The following CLSTN2 variants were observed in gnomAD, a reference collection of about 807,000 sequenced individuals.
The protein encoded by CLSTN2 is calsyntenin-2.
A neutral mutation model predicts 101.2 loss-of-function variants in CLSTN2; 48 were observed. The observed-to-expected ratio is 0.47, with a 90% CI of 0.38 to 0.60. The LOEUF (loss-of-function observed/expected upper bound fraction) is 0.60, where lower values mean the gene tolerates loss of function less well. Ranked by LOEUF, CLSTN2 falls within the 20% of genes least tolerant of loss-of-function variation. The pLI is 0.00. For synonymous variants in CLSTN2, 481 were observed against 463.6 expected (o/e 1.04, Z -0.48); for missense variants, 1,160 against 1,238.2 (o/e 0.94, Z 0.95).
At chr3:140,348,392 G>C (rs6766541) in intron 2 of CLSTN2, among the ~76,000 whole-genome samples, 59,509 of 152,018 alleles carry the variant, frequency 0.39, 12,611 homozygotes, top group Non-Finnish European at 0.49. Flanking sequence ...CCGTGATTTA[G>C]AGTCAATCAG....
At chr3:140,307,291 G>A (rs73228928) in intron 2 of CLSTN2, among the ~76,000 whole-genome samples, 9,750 of 152,114 alleles carry the variant, frequency 0.064, 424 homozygotes, top group Admixed American at 0.15. Context: ...AAACCATGTG[G>A]GACATTTCCA....
At chr3:140,499,960 A>G (rs1404485070) in intron 8 of CLSTN2, among the ~76,000 whole-genome samples, 1 of 152,072 alleles carries the variant, frequency 6.6e-6, no homozygotes, top group Admixed American at 6.5e-5. Context: ...CCAGCTACTC[A>G]GAAGGCTGAG....
intron 1 of CLSTN2, among the ~76,000 whole-genome samples, chr3:139,999,332 C>T (rs564911145): frequency 4.7e-4 from 72 of 152,168 alleles, no homozygotes; most frequent in East Asian, 1.2e-3. Context: ...TGTTTGGCTC[C>T]CACTTATAAG....
rs2006913393 is a variant in CLSTN2 at position 140,004,424 on chromosome 3, C to T, written c.109+68941C>T. On this transcript the variant is annotated intron_variant, in intron 1 of 16. Transcript: ENST00000458420. The stretch of plus-strand genomic sequence containing the variant: ...GTGGGAGAAGTTAGTGCAAATCCAC[C>T]TCTGGCCATCTGGATCCCCACAGGG... Among the ~76,000 whole-genome samples, 6 of 152,278 alleles carry T rather than the reference C, an allele frequency of 3.9e-5. No homozygotes were observed. In the South Asian group the frequency reaches 1.2e-3, roughly 32 times the overall value.
chr3:140,473,126 T>C (rs1933894463), intron 8 of CLSTN2, among the ~76,000 whole-genome samples: 1 of 152,216 alleles, frequency 6.6e-6, no homozygotes, highest in Non-Finnish European at 1.5e-5. Flanking sequence ...TTGTTCTGCT[T>C]TCTTTTTGAG....
At chr3:140,560,994 T>C (rs901461020) in intron 12 of CLSTN2, among the ~76,000 whole-genome samples, 2 of 151,666 alleles carry the variant, frequency 1.3e-5, no homozygotes, top group African/African-American at 4.8e-5. Context: ...TTTATAATAA[T>C]ATATAATATA....
intron 1 of CLSTN2, among the ~76,000 whole-genome samples, chr3:140,146,362 G>A (rs1004308916): frequency 6.6e-6 from 1 of 152,226 alleles, no homozygotes; most frequent in Non-Finnish European, 1.5e-5. Flanking sequence ...TGTAGAACTA[G>A]CAAAAGCTCA....
intron 1 of CLSTN2, among the ~76,000 whole-genome samples, chr3:140,086,818 C>A (rs1237384634): frequency 1.3e-5 from 2 of 152,214 alleles, no homozygotes; most frequent in Non-Finnish European, 2.9e-5. Flanking sequence ...AATTCTGTTT[C>A]ACAGCTGTCT....
At chr3:140,536,098 A>AAAAG (rs1935353613) in intron 9 of CLSTN2, among the ~76,000 whole-genome samples, 1 of 152,186 alleles carries the variant, frequency 6.6e-6, no homozygotes, top group African/African-American at 2.4e-5. Context: ...AAGGAACAAT[A>AAAAG]AAAGAGTTTC....
chr3:140,551,736 A>C (rs1269302463), intron 10 of CLSTN2, among the ~76,000 whole-genome samples: 1 of 151,730 alleles, frequency 6.6e-6, no homozygotes, highest in East Asian at 1.9e-4. Flanking sequence ...CTTGTGTATA[A>C]AATAAATTGA....
chr3:140,123,848 GTGTA>G (rs1481552963), intron 1 of CLSTN2, among the ~76,000 whole-genome samples: 2 of 74,140 alleles, frequency 2.7e-5, no homozygotes, highest in Admixed American at 1.5e-4. Flanking sequence ...ATATGTGTGT[GTGTA>G]TATATATATA....
chr3:140,456,505 T>G (rs968525052), intron 6 of CLSTN2, among the ~76,000 whole-genome samples: 5 of 152,158 alleles, frequency 3.3e-5, no homozygotes, highest in South Asian at 2.1e-4. Context: ...AAAAATAAGG[T>G]TATATAGGCC....
intron 8 of CLSTN2, among the ~76,000 whole-genome samples, chr3:140,480,205 T>C (rs1559882447): frequency 6.6e-6 from 1 of 152,140 alleles, no homozygotes; most frequent in Non-Finnish European, 1.5e-5. Flanking sequence ...GTTTGGTTTT[T>C]TCTCCTTGCG....
At position 140,082,280 on chromosome 3, in the gene CLSTN2, C is replaced by G. The variant is rs1386272895; in HGVS notation, c.110-93671C>G. Among the ~76,000 whole-genome samples the G allele has an allele frequency of 3.3e-5, 5 of 152,320 alleles. No homozygotes were observed. In the East Asian group the frequency reaches 9.7e-4, roughly 29 times the overall value. On this transcript the variant is annotated intron_variant, in intron 1 of 16. Transcript: ENST00000458420. The stretch of plus-strand genomic sequence containing the variant: ...CTGTGGCTGGCATTCTTTCCCTTCT[C>G]TCCTATTCCTTGAATATAGAGGGCT...
intron 2 of CLSTN2, among the ~76,000 whole-genome samples, chr3:140,186,192 A>G (rs2010483092): frequency 6.6e-6 from 1 of 152,156 alleles, no homozygotes; most frequent in African/African-American, 2.4e-5. Flanking sequence ...AGCAAAATCA[A>G]TGATATTGAG....
intron 8 of CLSTN2, among the ~76,000 whole-genome samples, chr3:140,505,070 A>T (rs555479801): frequency 7.6e-6 from 1 of 131,836 alleles, no homozygotes; most frequent in Non-Finnish European, 1.5e-5. Flanking sequence ...CAAAGAAAGT[A>T]TCTTTTTTTT....
At chr3:140,209,704 A>T (rs978002350) in intron 2 of CLSTN2, among the ~76,000 whole-genome samples, 1 of 152,090 alleles carries the variant, frequency 6.6e-6, no homozygotes, top group Non-Finnish European at 1.5e-5. Flanking sequence ...AGTGTCGAAA[A>T]GTTACACCCC....
At chr3:140,253,152 C>T (rs1303826376) in intron 2 of CLSTN2, among the ~76,000 whole-genome samples, 1 of 152,128 alleles carries the variant, frequency 6.6e-6, no homozygotes, top group African/African-American at 2.4e-5. Flanking sequence ...AAGGTCAAGG[C>T]AGAGGGATAG....
chr3:140,320,614 G>T (rs1041987773), intron 2 of CLSTN2, among the ~76,000 whole-genome samples: 1 of 148,884 alleles, frequency 6.7e-6, no homozygotes, highest in Non-Finnish European at 1.5e-5. Flanking sequence ...TTTTTTGCGG[G>T]GGGGGGCAGG....
Sources: allele counts gnomAD v4.1 joint callset (sites outside exome capture counted in the v4.1 genomes callset), GRCh38; gene constraint gnomAD v4.1.1; transcripts MANE v1.5; gene names NCBI Gene and HGNC (gene_info 2026-07-23, HGNC 2026-07-21).